Variants in BAZ2B observed in about 807,000 individuals in gnomAD.
BAZ2B encodes bromodomain adjacent to zinc finger domain 2B, also known as bromodomain adjacent to zinc finger domain protein 2B.
A neutral mutation model predicts 246.0 loss-of-function variants in BAZ2B; 91 were observed. The ratio of observed to expected loss-of-function variants is 0.37; its 90% CI spans 0.31 to 0.44. The LOEUF is 0.44. BAZ2B is among the 20% of genes least tolerant of loss of function. The probability of loss-of-function intolerance (pLI) is 1.00; values close to 1 mark genes in which losing one functional copy is unlikely to be tolerated. For synonymous variants in BAZ2B, 855 were observed against 860.0 expected, an observed-to-expected ratio of 0.99 and a Z score of 0.10; for missense variants, 2,332 against 2,533.7, an observed-to-expected ratio of 0.92 and a Z score of 1.71.
At chr2:159,338,006 A>G (rs1346623080) in intron 31 of BAZ2B, among the ~76,000 whole-genome samples, 2 of 152,266 alleles carry the variant, frequency 1.3e-5, no homozygotes, top group Admixed American at 6.5e-5. Flanking sequence ...TATAAAAGGT[A>G]TAAGAACAAT....
chr2:159,555,814 T>C lies in BAZ2B; in HGVS notation c.-3+9A>G, dbSNP rs1341167502. On this transcript the variant is annotated intron_variant, in intron 2 of 36. Coordinates refer to ENST00000392783, the MANE Select transcript of BAZ2B (RefSeq NM_013450.4). ...TTCCTTAAAAGCTTAACTATCATTT[T>C]GGTCTTACTGTGATCAATGTGGTCA... 2.2e-5 allele frequency: 3 copies of C among 138,714 alleles called. No homozygotes were observed. Among genetic ancestry groups the C allele is most frequent in the African/African-American group, 9.0e-5 (3 of 33,250 alleles). 8.6% of individuals were successfully genotyped at this position (138,714 alleles called of 1,614,324 possible).
intron 26 of BAZ2B, among the ~76,000 whole-genome samples, chr2:159,374,158 C>T (rs1164494887): frequency 6.6e-6 from 1 of 151,192 alleles, no homozygotes; most frequent in African/African-American, 2.4e-5. Context: ...GATCCTCTCA[C>T]CTCAGCCTCC....
At chr2:159,512,496 A>T (rs2083034289) in intron 2 of BAZ2B, among the ~76,000 whole-genome samples, 2 of 152,158 alleles carry the variant, frequency 1.3e-5, no homozygotes, top group Non-Finnish European at 2.9e-5. Context: ...TAGCAAATTC[A>T]CTTGCCTAAA....
chr2:159,571,710 A>G (rs1197294318), intron 1 of BAZ2B, among the ~76,000 whole-genome samples: 1 of 152,212 alleles, frequency 6.6e-6, no homozygotes, highest in African/African-American at 2.4e-5. Flanking sequence ...TTTTGCTCAC[A>G]GTTCTGGAGG....
intron 2 of BAZ2B, 116 bp downstream of exon 2, chr2:159,555,707 T>C (rs2089020545): frequency 7.3e-6 from 1 of 137,090 alleles, no homozygotes; most frequent in African/African-American, 3.1e-5. Flanking sequence ...AATGTTAACA[T>C]TCAACTGGCT....
chr2:159,375,140 C>G (rs2061286699), intron 25 of BAZ2B, among the ~76,000 whole-genome samples: 1 of 152,102 alleles, frequency 6.6e-6, no homozygotes, highest in Non-Finnish European at 1.5e-5. Flanking sequence ...CCCAGAAGTT[C>G]AAGGCTGCAG....
intron 2 of BAZ2B, among the ~76,000 whole-genome samples, chr2:159,530,256 G>A (rs2085233084): frequency 6.6e-6 from 1 of 152,206 alleles, no homozygotes; most frequent in South Asian, 2.1e-4. Flanking sequence ...ATTGTTAAGT[G>A]CTTTCATAGG....
chr2:159,347,800 A>C (rs536418968), intron 30 of BAZ2B, among the ~76,000 whole-genome samples, 154 bp from the exon 31 acceptor site: 11 of 152,346 alleles, frequency 7.2e-5, no homozygotes, highest in Admixed American at 1.3e-4. Context: ...GCTTACTCTT[A>C]AAAGTAGAAA....
chr2:159,358,417 C>T (rs553529223), intron 27 of BAZ2B, among the ~76,000 whole-genome samples: 5 of 152,156 alleles, frequency 3.3e-5, no homozygotes, highest in Non-Finnish European at 7.4e-5. Context: ...AGCTAACTAT[C>T]CTAAATATGT....
intron 3 of BAZ2B, chr2:159,464,071 G>A (rs1479053456): frequency 6.6e-6 from 1 of 152,106 alleles, no homozygotes; most frequent in South Asian, 2.1e-4. Context: ...ATAGTACACA[G>A]AGTTCCTATA....
In BAZ2B at chr2:159,587,081, CT is replaced by C. The variant is rs879641658; in HGVS notation, c.-46+29160del. Among the ~76,000 whole-genome samples the C allele has an allele frequency of 6.7e-3, 959 of 143,822 alleles. 1 individual carries two copies. The highest frequency in any genetic ancestry group is 8.6e-3 in the African/African-American group (340 of 39,466). The allele number at this position is 143,822 out of a possible 152,430, so 94.4% of individuals were successfully genotyped here. A position where few individuals can be genotyped will look rare whatever the true frequency, so the allele number is the denominator to read the frequency against. ...TTTAATAATATCCTATCACCTGCAACTTTTTTTTTTTTTTTGAGACGGAGTA... is the reference window on the plus strand; with the variant it reads ...TTTAATAATATCCTATCACCTGCAACTTTTTTTTTTTTTTGAGACGGAGTA... On this transcript the variant is annotated intron_variant, in intron 1 of 36. Coordinates refer to ENST00000392783, the MANE Select transcript of BAZ2B (RefSeq NM_013450.4).
intron 11 of BAZ2B, 106 bp from the exon 12 acceptor site, chr2:159,428,525 G>A: frequency 3.9e-6 from 3 of 767,604 alleles, no homozygotes; most frequent in South Asian, 2.7e-5. Flanking sequence ...CATAAAAAAT[G>A]AAAACAAAAA....
chr2:159,436,793 C>A (rs1291395530), intron 8 of BAZ2B, among the ~76,000 whole-genome samples: 1 of 151,932 alleles, frequency 6.6e-6, no homozygotes, highest in Non-Finnish European at 1.5e-5. Context: ...AGAAAGCTGA[C>A]AGAAGATCTA....
chr2:159,635,175 G>A, the BAZ2B span, among the ~76,000 whole-genome samples: 1 of 152,090 alleles, frequency 6.6e-6, no homozygotes, highest in African/African-American at 2.4e-5. Flanking sequence ...ACTCAGGAAA[G>A]GGAACATACC....
chr2:159,553,125 T>C (rs190831787), intron 2 of BAZ2B, among the ~76,000 whole-genome samples: 1 of 151,702 alleles, frequency 6.6e-6, no homozygotes, highest in Admixed American at 6.6e-5. Context: ...CTGGGCACAG[T>C]TGTTCACTCC....
chr2:159,531,405 C>G (rs914558199), intron 2 of BAZ2B, among the ~76,000 whole-genome samples: 2 of 152,066 alleles, frequency 1.3e-5, no homozygotes, highest in Non-Finnish European at 2.9e-5. Flanking sequence ...ATTTCTGATA[C>G]TAGAAATGCA....
chr2:159,516,721 C>T (rs1263960477), intron 2 of BAZ2B: 1 of 152,502 alleles, frequency 6.6e-6, no homozygotes, highest in African/African-American at 2.4e-5. Flanking sequence ...CGTGATAAAA[C>T]TAAGCCAGGT....
At chr2:159,517,630 T>C (rs72950410) in intron 2 of BAZ2B, among the ~76,000 whole-genome samples, 28,053 of 152,100 alleles carry the variant, frequency 0.18, 3,515 homozygotes, top group Non-Finnish European at 0.28. Context: ...ATTATACTAC[T>C]TAAATTAGGT....
intron 8 of BAZ2B, 150 bp from the exon 9 acceptor site, chr2:159,433,513 G>A (rs1348787803): frequency 1.5e-6 from 1 of 648,514 alleles, no homozygotes; most frequent in Non-Finnish European, 2.4e-6. Flanking sequence ...AGTAGCAACA[G>A]CTATGACTAG....
Sources: gnomAD v4.1 joint callset for allele counts (sites outside exome capture counted in the v4.1 genomes callset) on GRCh38, gnomAD v4.1.1 for gene constraint, MANE v1.5 for transcripts, NCBI Gene and HGNC (gene_info 2026-07-23, HGNC 2026-07-21) for gene names.